LNX1: variants seen among roughly 807,000 people sequenced by gnomAD.
LNX1 encodes ligand of numb-protein X 1.
A neutral mutation model predicts 68.4 loss-of-function variants in LNX1; 54 were observed. That is an observed-to-expected ratio of 0.79 (90% confidence interval 0.63 to 0.99). LNX1 has a LOEUF of 0.99. Ranked by LOEUF, LNX1 falls within the 50% of genes least tolerant of loss-of-function variation. The pLI is 0.00. For missense variants in LNX1, 906 were observed against 926.4 expected (o/e 0.98, Z 0.29); for synonymous variants, 336 against 350.0 (o/e 0.96, Z 0.45).
rs1553946967 is a variant in LNX1 at position 53,652,057 on chromosome 4, G to GAGAC, written c.-215+110_-215+111insGTCT. 1.4e-3 allele frequency: 204 copies of GAGAC among 147,040 alleles called. 2 individuals are homozygous for GAGAC. Among genetic ancestry groups the GAGAC allele is most frequent in the African/African-American group, 4.9e-3 (195 of 39,422 alleles). The allele number at this position is 147,040 out of a possible 1,614,324, so 9.1% of individuals were successfully genotyped here. A position where few individuals can be genotyped will look rare whatever the true frequency, so the allele number is the denominator to read the frequency against. On this transcript the variant is annotated intron_variant, in intron 1 of 2. Transcript: ENST00000507168. ...AGAGAGAGAGAGAGAGAGAGAGAGAGAGAGACAGAGAAAGAGATAGGGGTG... is the reference window on the plus strand; with the variant it reads ...AGAGAGAGAGAGAGAGAGAGAGAGAGAGACAGAGACAGAGAAAGAGATAGGGGTG...
upstream of LNX1, among the ~76,000 whole-genome samples, chr4:53,620,146 A>G (rs1444878021): frequency 6.6e-6 from 1 of 152,158 alleles, no homozygotes; most frequent in Non-Finnish European, 1.5e-5. Flanking sequence ...ATTAATATTA[A>G]TTTGCAGTTA....
At chr4:53,570,700 G>A (rs1230993257) in intron 2 of LNX1, among the ~76,000 whole-genome samples, 1 of 116,668 alleles carries the variant, frequency 8.6e-6, no homozygotes, top group African/African-American at 3.0e-5. Flanking sequence ...ATAAATAAAA[G>A]AAAAATATTT....
Position 53,498,698 on chromosome 4 carries a change from A to G in LNX1, c.921T>C (p.Tyr307=), listed in dbSNP as rs535013065. 3.5e-5 allele frequency: 57 copies of G among 1,614,008 alleles called. No individual in the cohort carries two copies. In the South Asian group the frequency reaches 5.5e-4, roughly 16 times the overall value. ...PLVHIIIQHI[Y]RDGVIARDGR... Reference sequence around the variant, plus strand: ...CGTCTCTGGCGATCACCCCATCACGATAAATGTGTTGGATAATGATATGGA... The same window carrying G: ...CGTCTCTGGCGATCACCCCATCACGGTAAATGTGTTGGATAATGATATGGA... Residue 307 remains tyrosine (Y), a synonymous_variant, in exon 5 of 11, where the codon TAT becomes TAC. Transcript: ENST00000263925.
intron 9 of LNX1, among the ~76,000 whole-genome samples, chr4:53,475,909 A>G (rs1161353436): frequency 1.3e-5 from 2 of 152,216 alleles, no homozygotes; most frequent in Non-Finnish European, 2.9e-5. Flanking sequence ...AGGAGAGATG[A>G]TCTAAGAAAT....
chr4:53,530,248 G>T (rs565309188), intron 2 of LNX1, among the ~76,000 whole-genome samples: 6 of 152,012 alleles, frequency 3.9e-5, no homozygotes, highest in African/African-American at 1.4e-4. Context: ...AGAAAGAATC[G>T]TAAGTAAAAA....
intron 1 of LNX1, among the ~76,000 whole-genome samples, chr4:53,623,836 C>T (rs1429456090): frequency 6.6e-6 from 1 of 152,092 alleles, no homozygotes; most frequent in East Asian, 1.9e-4. Context: ...ATAGCTTGCC[C>T]AAGGTTGCAC....
chr4:53,470,393 G>A (rs1032382298), intron 9 of LNX1, among the ~76,000 whole-genome samples: 43 of 152,222 alleles, frequency 2.8e-4, no homozygotes, highest in Non-Finnish European at 5.0e-4. Context: ...ATACTGAATG[G>A]GCAAAAACTG....
intron 2 of LNX1, among the ~76,000 whole-genome samples, chr4:53,514,399 C>T (rs1314935036): frequency 1.1e-4 from 17 of 152,200 alleles, no homozygotes; most frequent in Admixed American, 9.8e-4. Context: ...GTTTCATGGA[C>T]ACACAGTCCC....
At chr4:53,468,100 G>A (rs1276348777) in intron 9 of LNX1, among the ~76,000 whole-genome samples, 1 of 152,168 alleles carries the variant, frequency 6.6e-6, no homozygotes. Flanking sequence ...AGAAAGGTCG[G>A]GTTACCCACA....
chr4:53,523,856 ATCC>A (rs758616052), intron 2 of LNX1, among the ~76,000 whole-genome samples: 5 of 152,192 alleles, frequency 3.3e-5, no homozygotes, highest in Non-Finnish European at 5.9e-5. Flanking sequence ...CTGTCCCACC[ATCC>A]TCCTGCTTCC....
At chr4:53,568,727 T>C (rs1416293850) in intron 2 of LNX1, among the ~76,000 whole-genome samples, 3 of 152,004 alleles carry the variant, frequency 2.0e-5, no homozygotes, top group Non-Finnish European at 2.9e-5. Flanking sequence ...AAATTGTCCC[T>C]GTTTGCAGAT....
At chr4:53,559,036 C>T (rs567945971) in intron 2 of LNX1, among the ~76,000 whole-genome samples, 3 of 152,288 alleles carry the variant, frequency 2.0e-5, no homozygotes, top group Admixed American at 6.5e-5. Flanking sequence ...ATTTTGCCAA[C>T]TCAAGACCAG....
intron 10 of LNX1, 130 bp downstream of exon 10, chr4:53,461,305 G>A: frequency 1.3e-6 from 1 of 764,666 alleles, no homozygotes; most frequent in East Asian, 2.6e-5. Flanking sequence ...CTCAGAAGTT[G>A]AATGCTACGT....
chr4:53,477,470 A>G (rs911896902), intron 8 of LNX1, among the ~76,000 whole-genome samples: 1 of 152,140 alleles, frequency 6.6e-6, no homozygotes, highest in African/African-American at 2.4e-5. Context: ...ACTCTTAAAG[A>G]AGCAGAAAGA....
At chr4:53,586,187 AAGATGTAATATAAGTC>A (rs1049371878) in intron 1 of LNX1, among the ~76,000 whole-genome samples, 12 of 152,144 alleles carry the variant, frequency 7.9e-5, no homozygotes, top group African/African-American at 2.7e-4. Flanking sequence ...TATGTTGTGG[AAGATGTAATATAAGTC>A]AGACAATCAT....
chr4:53,569,695 G>T (rs1160061491), intron 2 of LNX1, among the ~76,000 whole-genome samples: 1 of 150,636 alleles, frequency 6.6e-6, no homozygotes, highest in Admixed American at 6.6e-5. Context: ...CTTCTGCACA[G>T]CAAAAGAAAC....
At chr4:53,520,794 T>C (rs2109573272) in intron 2 of LNX1, among the ~76,000 whole-genome samples, 1 of 152,224 alleles carries the variant, frequency 6.6e-6, no homozygotes, top group South Asian at 2.1e-4. Flanking sequence ...AAACCCCATC[T>C]CTACTAAAAA....
chr4:53,539,390 T>TAGG (rs200751020), intron 2 of LNX1: 122,711 of 151,644 alleles, frequency 0.81, 49,938 homozygotes, highest in Admixed American at 0.86. Flanking sequence ...TTTTGAGACC[T>TAGG]GTCTCACTCT....
intron 1 of LNX1, among the ~76,000 whole-genome samples, chr4:53,648,455 T>C (rs1188482612): frequency 8.4e-6 from 1 of 119,652 alleles, no homozygotes; most frequent in Admixed American, 7.9e-5. Context: ...AATTGGGTTG[T>C]TTTTTGTTGT....
Sources: allele counts gnomAD v4.1 joint callset (sites outside exome capture counted in the v4.1 genomes callset), GRCh38; gene constraint gnomAD v4.1.1; transcripts MANE v1.5; gene names NCBI Gene and HGNC (gene_info 2026-07-23, HGNC 2026-07-21).